The following PLXNA4 variants were observed in gnomAD, a reference collection of about 807,000 sequenced individuals.
PLXNA4 encodes plexin-A4.
A neutral mutation model predicts 191.8 loss-of-function variants in PLXNA4; 44 were observed. That is an observed-to-expected ratio of 0.23 (90% CI 0.18 to 0.29). The LOEUF (loss-of-function observed/expected upper bound fraction) is 0.29, where lower values mean the gene tolerates loss of function less well. Ranked by LOEUF, PLXNA4 falls within the 10% of genes least tolerant of loss-of-function variation. PLXNA4 has a pLI of 1.00. For synonymous variants in PLXNA4, 1,082 were observed against 1,009.5 expected (o/e 1.07, Z -1.36); for missense variants, 1,800 against 2,488.8 (o/e 0.72, Z 5.89).
rs909118237 is a variant in PLXNA4, at chr7:132,445,336, T to A, written c.1371+43956A>T. Among the ~76,000 whole-genome samples the A allele has an allele frequency of 2.6e-5, 4 of 151,850 alleles. No individual in the cohort carries two copies. In the South Asian group the frequency reaches 8.4e-4, roughly 32 times the overall value. On this transcript the variant is annotated intron_variant, in intron 3 of 31. Transcript: ENST00000321063. ...CTGGGGCAACTCACACCCCACACCATCTTGATTTTTGTCTCTGGGGTCTTC... is the reference window on the plus strand; with the variant it reads ...CTGGGGCAACTCACACCCCACACCAACTTGATTTTTGTCTCTGGGGTCTTC...
At chr7:132,541,085 G>A (rs1800059513) in intron 1 of PLXNA4, among the ~76,000 whole-genome samples, 1 of 152,192 alleles carries the variant, frequency 6.6e-6, no homozygotes, top group Admixed American at 6.5e-5. Context: ...GCCAGACAGA[G>A]AGCCAGAGGG....
In PLXNA4 at chr7:132,377,383, C is replaced by G. The variant is rs192741844; in HGVS notation, c.1372-79161G>C. Among the ~76,000 whole-genome samples the G allele has an allele frequency of 1.1e-3, 169 of 149,038 alleles. 1 individual carries two copies. Among genetic ancestry groups the G allele is most frequent in the Non-Finnish European group, 2.0e-3 (134 of 67,648 alleles). ...ATGTGTTTCCCTGATAAGCCCAGAG[C>G]TTTTCCAGACACAGTCTTCTACAAA... On this transcript the variant is annotated intron_variant, in intron 3 of 31. Transcript: ENST00000321063.
At chr7:132,642,433 C>G (rs556053109) in intron 2 of PLXNA4, among the ~76,000 whole-genome samples, 254 of 151,956 alleles carry the variant, frequency 1.7e-3, no homozygotes, top group Non-Finnish European at 2.4e-3. Context: ...CAGGGTTGCC[C>G]TTAAGAAAGA....
intron 3 of PLXNA4, among the ~76,000 whole-genome samples, chr7:132,415,421 TGTTAG>T (rs2117114436): frequency 6.6e-6 from 1 of 152,322 alleles, no homozygotes; most frequent in African/African-American, 2.4e-5. Flanking sequence ...GTGTAGCTGC[TGTTAG>T]GAGATTTGTA....
chr7:132,253,957 T>C (rs1173493572), intron 4 of PLXNA4, among the ~76,000 whole-genome samples: 1 of 152,232 alleles, frequency 6.6e-6, no homozygotes, highest in Non-Finnish European at 1.5e-5. Flanking sequence ...GGGACATCAC[T>C]GGGCTGGGGG....
At chr7:132,219,179 G>A (rs1236197777) in intron 9 of PLXNA4, among the ~76,000 whole-genome samples, 1 of 152,232 alleles carries the variant, frequency 6.6e-6, no homozygotes, top group Non-Finnish European at 1.5e-5. Flanking sequence ...GAGATTTGCA[G>A]AAGAGTCACC....
At chr7:132,566,703 T>C (rs1477961346) in intron 1 of PLXNA4, among the ~76,000 whole-genome samples, 1 of 152,260 alleles carries the variant, frequency 6.6e-6, no homozygotes, top group Non-Finnish European at 1.5e-5. Flanking sequence ...AAGTGCCACT[T>C]GTGGGAAACA....
Position 132,455,998 on chromosome 7 carries a change from C to T in PLXNA4, c.1371+33294G>A, listed in dbSNP as rs981657135. 1.8e-4 allele frequency among the ~76,000 whole-genome samples: 28 copies of T among 152,222 alleles called. 1 individual carries two copies. Among genetic ancestry groups the T allele is most frequent in the Non-Finnish European group, 1.5e-5 (1 of 68,034 alleles). The stretch of plus-strand genomic sequence containing the variant: ...GAGAGAAGGTGCCCCTCCCTTGTCT[C>T]TGGCCCTGATGGGCCTGACAGGGCG... On this transcript the variant is annotated intron_variant, in intron 3 of 31. Coordinates refer to ENST00000321063, the MANE Select transcript of PLXNA4 (RefSeq NM_020911.2).
chr7:132,159,777 C>A, intron 24 of PLXNA4, 145 bp from the exon 25 acceptor site: 1 of 1,380,350 alleles, frequency 7.2e-7, no homozygotes, highest in Non-Finnish European at 9.8e-7. Flanking sequence ...TCCAGGCCAT[C>A]TGTGCTCCCA....
chr7:132,317,267 GTTGGA>G (rs1343169624), intron 3 of PLXNA4, among the ~76,000 whole-genome samples: 27 of 151,568 alleles, frequency 1.8e-4, no homozygotes, highest in African/African-American at 6.3e-4. Context: ...GTTGGGTTGG[GTTGGA>G]TTGGATTGGA....
upstream of PLXNA4, among the ~76,000 whole-genome samples, chr7:132,580,486 C>A (rs1025222759): frequency 6.6e-6 from 1 of 152,136 alleles, no homozygotes; most frequent in Non-Finnish European, 1.5e-5. Context: ...ATTGTCTGGA[C>A]CCATGGCCAC....
intron 1 of PLXNA4, among the ~76,000 whole-genome samples, chr7:132,516,752 G>C: frequency 6.6e-6 from 1 of 152,302 alleles, no homozygotes; most frequent in Non-Finnish European, 1.5e-5. Context: ...GAGGTCAGGA[G>C]TTTGAGACCA....
intron 1 of PLXNA4, among the ~76,000 whole-genome samples, chr7:132,569,651 A>G (rs187590346): frequency 5.6e-4 from 86 of 152,386 alleles, no homozygotes; most frequent in African/African-American, 1.9e-3. Context: ...AGTTATCTAC[A>G]TCTATTTGTA....
intron 2 of PLXNA4, among the ~76,000 whole-genome samples, chr7:132,616,393 A>T (rs972675535): frequency 7.2e-5 from 11 of 152,210 alleles, no homozygotes; most frequent in Non-Finnish European, 1.3e-4. Context: ...TTCATAGCCA[A>T]GGAAACTGAG....
intron 2 of PLXNA4, among the ~76,000 whole-genome samples, chr7:132,609,286 AAG>A (rs1444159705): frequency 6.6e-6 from 1 of 152,202 alleles, no homozygotes; most frequent in African/African-American, 2.4e-5. Flanking sequence ...AGATGGTGGA[AAG>A]AGTGGTCAGC....
At chr7:132,591,800 C>T (rs551680862) in intron 2 of PLXNA4, among the ~76,000 whole-genome samples, 1 of 152,272 alleles carries the variant, frequency 6.6e-6, no homozygotes, top group Non-Finnish European at 1.5e-5. Flanking sequence ...TGCCACAGTC[C>T]TTCCCAACTC....
At chr7:132,164,024 C>T in intron 24 of PLXNA4, 118 bp downstream of exon 24, 2 of 1,481,966 alleles carry the variant, frequency 1.3e-6, no homozygotes, top group Non-Finnish European at 1.8e-6. Flanking sequence ...GCCCACACAG[C>T]AGACACACCT....
At chr7:132,235,792 C>T (rs936108931) in intron 5 of PLXNA4, among the ~76,000 whole-genome samples, 13 of 152,150 alleles carry the variant, frequency 8.5e-5, no homozygotes, top group African/African-American at 2.7e-4. Flanking sequence ...GGGCTGGGGA[C>T]CTGCCAAGCC....
At chr7:132,594,880 G>A (rs1257827268) in intron 2 of PLXNA4, among the ~76,000 whole-genome samples, 8 of 151,754 alleles carry the variant, frequency 5.3e-5, no homozygotes, top group Admixed American at 3.3e-4. Context: ...GTCTAGTCCA[G>A]TGGTGTTTCC....
Sources: gnomAD v4.1 joint callset for allele counts (sites outside exome capture counted in the v4.1 genomes callset) on GRCh38, gnomAD v4.1.1 for gene constraint, MANE v1.5 for transcripts, NCBI Gene and HGNC (gene_info 2026-07-23, HGNC 2026-07-21) for gene names.